The following VAC14 variants were observed in gnomAD, a reference collection of about 807,000 sequenced individuals.
The protein encoded by VAC14 is protein VAC14 homolog.
A neutral mutation model predicts 85.3 loss-of-function variants in VAC14; 47 were observed. The ratio of observed to expected loss-of-function variants is 0.55; its 90% CI spans 0.44 to 0.70. The LOEUF is 0.70. VAC14 is among the 30% of genes least tolerant of loss of function. VAC14 has a pLI of 0.00. For missense variants in VAC14, 861 were observed against 1,004.3 expected, an observed-to-expected ratio of 0.86 and a Z score of 1.93; for synonymous variants, 447 against 430.5, an observed-to-expected ratio of 1.04 and a Z score of -0.47.
intron 1 of VAC14, among the ~76,000 whole-genome samples, chr16:70,797,924 G>A (rs2034615521): frequency 6.6e-6 from 1 of 152,184 alleles, no homozygotes; most frequent in Non-Finnish European, 1.5e-5. Context: ...AGAAGCAGAA[G>A]CCGCTATGCT....
At chr16:70,760,010 T>G (rs1240207027) in intron 12 of VAC14, among the ~76,000 whole-genome samples, 1 of 152,172 alleles carries the variant, frequency 6.6e-6, no homozygotes, top group Non-Finnish European at 1.5e-5. Context: ...TCGTGAGGGT[T>G]CTACAGACAC....
chr16:70,749,102 T>G (rs534771624), intron 12 of VAC14, among the ~76,000 whole-genome samples: 17 of 152,248 alleles, frequency 1.1e-4, no homozygotes, highest in Non-Finnish European at 1.5e-4. Flanking sequence ...AGATACTTGA[T>G]GTGCAAAGCA....
Position 70,764,379 on chromosome 16 carries a change from G to A in VAC14, c.1161-1354C>T, listed in dbSNP as rs1284355657. Among the ~76,000 whole-genome samples, 4 of 152,154 alleles carry A rather than the reference G, an allele frequency of 2.6e-5. No homozygotes were observed. In the East Asian group the frequency reaches 7.7e-4, roughly 29 times the overall value. On this transcript the variant is annotated intron_variant, in intron 10 of 18. Transcript: ENST00000261776. ...GATATCCCTAGTGGTCACGTGGCTG[G>A]AAGTTCCTGGTGTCTTCTGAGGATA...
chr16:70,777,780 C>T (rs373670809), intron 9 of VAC14, among the ~76,000 whole-genome samples: 16 of 152,246 alleles, frequency 1.1e-4, no homozygotes, highest in Admixed American at 3.9e-4. Context: ...GTGCTGTCGG[C>T]GGATCAGCAC....
intron 10 of VAC14, chr16:70,766,405 G>A: frequency 2.2e-6 from 1 of 446,284 alleles, no homozygotes; most frequent in Non-Finnish European, 4.5e-6. Flanking sequence ...TGAACTGGCA[G>A]CATTTCGTGT....
chr16:70,748,419 A>G (rs2031095566), intron 12 of VAC14, among the ~76,000 whole-genome samples: 2 of 152,010 alleles, frequency 1.3e-5, no homozygotes, highest in African/African-American at 4.8e-5. Context: ...CCTGGGGGGG[A>G]GCCAGGAGGC....
At chr16:70,706,736 C>A (rs1440945152) in intron 14 of VAC14, among the ~76,000 whole-genome samples, 2 of 152,202 alleles carry the variant, frequency 1.3e-5, no homozygotes, top group Non-Finnish European at 2.9e-5. Context: ...AAGTGATCCA[C>A]CCGCCTCGGC....
At chr16:70,696,062 C>G (rs1009305535) in intron 16 of VAC14, among the ~76,000 whole-genome samples, 1 of 152,198 alleles carries the variant, frequency 6.6e-6, no homozygotes, top group Non-Finnish European at 1.5e-5. Context: ...TGTGGGGAGC[C>G]AGGCAGGGCC....
At chr16:70,737,220 C>T (rs1470105880) in intron 13 of VAC14, among the ~76,000 whole-genome samples, 1 of 152,206 alleles carries the variant, frequency 6.6e-6, no homozygotes, top group African/African-American at 2.4e-5. Context: ...AAGCAGGGTC[C>T]TGGGCTGGGT....
intron 14 of VAC14, among the ~76,000 whole-genome samples, chr16:70,709,955 T>C (rs1435553536): frequency 2.6e-5 from 4 of 152,156 alleles, no homozygotes; most frequent in African/African-American, 4.8e-5. Context: ...TTCTCTCCCT[T>C]TGAAGCCCTC....
chr16:70,786,425 G>C (rs2034063070), intron 1 of VAC14, 60 bp from the exon 2 acceptor site: 15 of 1,584,310 alleles, frequency 9.5e-6, no homozygotes. Context: ...GGCCTCCAGG[G>C]CCTGGGGCGG....
At chr16:70,707,567 C>T (rs2053944766) in intron 14 of VAC14, among the ~76,000 whole-genome samples, 1 of 152,136 alleles carries the variant, frequency 6.6e-6, no homozygotes, top group Non-Finnish European at 1.5e-5. Context: ...TGGGTGGGAG[C>T]TGCCACAGAA....
chr16:70,722,334 C>T (rs1447419791), intron 14 of VAC14, among the ~76,000 whole-genome samples: 2 of 152,270 alleles, frequency 1.3e-5, no homozygotes, highest in Non-Finnish European at 2.9e-5. Flanking sequence ...TCCCCCAGGC[C>T]AGGCCCCTCC....
chr16:70,724,393 C>T (rs969348909), intron 14 of VAC14, among the ~76,000 whole-genome samples: 8 of 152,158 alleles, frequency 5.3e-5, no homozygotes, highest in Admixed American at 3.9e-4. Flanking sequence ...GGTGCAAGGA[C>T]GCTGGTCATT....
intron 12 of VAC14, among the ~76,000 whole-genome samples, chr16:70,745,994 C>T (rs560768924): frequency 7.9e-5 from 12 of 152,236 alleles, no homozygotes; most frequent in Admixed American, 3.3e-4. Context: ...GTAATGGTTG[C>T]AAAAAGCTTG....
intron 13 of VAC14, among the ~76,000 whole-genome samples, chr16:70,737,768 G>A (rs910677435): frequency 1.3e-5 from 2 of 152,216 alleles, no homozygotes; most frequent in Admixed American, 6.5e-5. Flanking sequence ...ATTGAGTTTT[G>A]TGGTTATGAC....
chr16:70,779,841 T>A (rs549233524), intron 9 of VAC14, among the ~76,000 whole-genome samples: 1 of 151,658 alleles, frequency 6.6e-6, no homozygotes, highest in Admixed American at 6.6e-5. Context: ...GTTTCTTTTT[T>A]CTTTTTTTTT....
intron 13 of VAC14, among the ~76,000 whole-genome samples, chr16:70,743,470 G>A (rs878916404): frequency 1.3e-5 from 2 of 152,154 alleles, no homozygotes; most frequent in African/African-American, 2.4e-5. Context: ...CTTTGAGTCC[G>A]CACCACTTTA....
At chr16:70,784,927 G>T in intron 3 of VAC14, 89 bp from the exon 4 acceptor site, 1 of 1,157,320 alleles carries the variant, frequency 8.6e-7, no homozygotes, top group African/African-American at 1.5e-5. Flanking sequence ...CCGCAGCCGA[G>T]GCCTTGGTGC....
Sources: gnomAD v4.1 joint callset for allele counts (sites outside exome capture counted in the v4.1 genomes callset) on GRCh38, gnomAD v4.1.1 for gene constraint, MANE v1.5 for transcripts, NCBI Gene and HGNC (gene_info 2026-07-23, HGNC 2026-07-21) for gene names.